KCNIP1: variants seen among roughly 807,000 people sequenced by gnomAD.
KCNIP1 encodes the protein A-type potassium channel modulatory protein KCNIP1.
In KCNIP1, 18 loss-of-function variants were observed where a neutral mutation model predicts 33.0. The ratio of observed to expected loss-of-function variants is 0.55; its 90% CI spans 0.38 to 0.81. The LOEUF (loss-of-function observed/expected upper bound fraction) is 0.81, where lower values mean the gene tolerates loss of function less well. Ranked by LOEUF, KCNIP1 falls within the 30% of genes least tolerant of loss-of-function variation. KCNIP1 has a pLI of 0.00. For missense variants in KCNIP1, 238 were observed against 271.6 expected (o/e 0.88, Z 0.87); for synonymous variants, 93 against 98.3 (o/e 0.95, Z 0.32).
At position 170,736,138 on chromosome 5, in the gene KCNIP1, G is replaced by A. The variant is rs993495990; in HGVS notation, c.*332G>A. On this transcript the variant is annotated 3_prime_UTR_variant, in exon 8 of 8. Transcript: ENST00000328939. ...GTAGTGCACAAAATATGCTGCTTAC[G>A]TGCCCCCAGCCCACTGCCTCCAAGT... The A allele has an allele frequency of 4.1e-5, 10 of 245,438 alleles. No individual in the cohort carries two copies. Among genetic ancestry groups the A allele is most frequent in the East Asian group, 3.3e-4 (4 of 12,192 alleles). The allele number at this position is 245,438 out of a possible 1,614,324, so 15.2% of individuals were successfully genotyped here. A position where few individuals can be genotyped will look rare whatever the true frequency, so the allele number is the denominator to read the frequency against.
chr5:170,580,358 T>C (rs1757745159), intron 1 of KCNIP1, among the ~76,000 whole-genome samples: 1 of 152,198 alleles, frequency 6.6e-6, no homozygotes, highest in African/African-American at 2.4e-5. Flanking sequence ...ATGTACCCTG[T>C]ACATGTCTTA....
intron 1 of KCNIP1, among the ~76,000 whole-genome samples, chr5:170,640,438 G>C (rs1269391129): frequency 6.6e-6 from 1 of 152,200 alleles, no homozygotes; most frequent in African/African-American, 2.4e-5. Flanking sequence ...TTGAATTGCA[G>C]GTGAATATCA....
chr5:170,487,492 G>GTCA (rs1757122443), intron 1 of KCNIP1, among the ~76,000 whole-genome samples: 1 of 150,660 alleles, frequency 6.6e-6, no homozygotes, highest in African/African-American at 2.4e-5. Context: ...TGTTCACAAG[G>GTCA]TCATCATCAT....
intron 5 of KCNIP1, among the ~76,000 whole-genome samples, chr5:170,730,832 A>G (rs1764169164): frequency 7.1e-6 from 1 of 140,566 alleles, no homozygotes; most frequent in African/African-American, 2.6e-5. Flanking sequence ...GAAGGTATAA[A>G]AGTGCTTAAA....
intron 1 of KCNIP1, among the ~76,000 whole-genome samples, chr5:170,551,955 AGTGT>A (rs113050608): frequency 0.015 from 2,283 of 149,278 alleles, 73 homozygotes; most frequent in African/African-American, 0.054. Flanking sequence ...TGTGTGTCTG[AGTGT>A]GTGTATGTGT....
intron 1 of KCNIP1, among the ~76,000 whole-genome samples, chr5:170,568,153 GTGT>G (rs1396817652): frequency 6.6e-6 from 1 of 152,168 alleles, no homozygotes; most frequent in Non-Finnish European, 1.5e-5. Context: ...TTTTGCAAAT[GTGT>G]TGTTGTGGTT....
chr5:170,362,493 C>T (rs1763540928), intron 1 of KCNIP1, among the ~76,000 whole-genome samples: 1 of 152,194 alleles, frequency 6.6e-6, no homozygotes, highest in African/African-American at 2.4e-5. Flanking sequence ...ACTCAAGCTC[C>T]CCGATCCATC....
intron 1 of KCNIP1, among the ~76,000 whole-genome samples, chr5:170,560,915 C>T (rs983946061): frequency 2.0e-5 from 3 of 152,126 alleles, no homozygotes; most frequent in Non-Finnish European, 4.4e-5. Context: ...TTCTCCCTCA[C>T]TACAGGCTTC....
chr5:170,622,745 G>A (rs1169681687), intron 1 of KCNIP1, among the ~76,000 whole-genome samples: 1 of 152,128 alleles, frequency 6.6e-6, no homozygotes, highest in Non-Finnish European at 1.5e-5. Context: ...AGAAGCCAGG[G>A]AAGCCTAGGA....
intron 1 of KCNIP1, among the ~76,000 whole-genome samples, chr5:170,426,265 A>G (rs1347062625): frequency 1.3e-5 from 2 of 151,880 alleles, no homozygotes; most frequent in Non-Finnish European, 2.9e-5. Context: ...ACACACACAC[A>G]CACACACAAA....
intron 1 of KCNIP1, among the ~76,000 whole-genome samples, chr5:170,434,651 A>T (rs1755820096): frequency 6.6e-6 from 1 of 151,880 alleles, no homozygotes; most frequent in African/African-American, 2.4e-5. Context: ...TGACTATCAC[A>T]CCTCCTCTAA....
intron 2 of KCNIP1, among the ~76,000 whole-genome samples, 190 bp downstream of exon 2, chr5:170,719,072 C>T (rs1763729929): frequency 6.6e-6 from 1 of 152,090 alleles, no homozygotes; most frequent in Admixed American, 6.5e-5. Flanking sequence ...GATGGAGCAA[C>T]CTCAGGAGAC....
intron 1 of KCNIP1, among the ~76,000 whole-genome samples, chr5:170,706,109 G>A (rs368626970): frequency 7.9e-5 from 12 of 152,160 alleles, no homozygotes; most frequent in African/African-American, 2.6e-4. Context: ...CATTAATACC[G>A]AATCCAGCAA....
chr5:170,386,801 A>C (rs1764492116), intron 1 of KCNIP1, among the ~76,000 whole-genome samples: 1 of 152,074 alleles, frequency 6.6e-6, no homozygotes. Context: ...CACCTGGGAC[A>C]AAGCAGAATG....
At chr5:170,380,299 C>G (rs1764187810) in intron 1 of KCNIP1, among the ~76,000 whole-genome samples, 1 of 152,184 alleles carries the variant, frequency 6.6e-6, no homozygotes, top group Admixed American at 6.5e-5. Flanking sequence ...CCCCATAGCC[C>G]AGGTCCCTAC....
intron 1 of KCNIP1, among the ~76,000 whole-genome samples, chr5:170,625,953 C>T (rs1242219424): frequency 6.6e-6 from 1 of 152,146 alleles, no homozygotes; most frequent in Non-Finnish European, 1.5e-5. Context: ...GGCAGAACCC[C>T]AAGTGGGAAC....
intron 2 of KCNIP1, 105 bp downstream of exon 2, chr5:170,718,987 G>A (rs2113869357): frequency 7.0e-7 from 1 of 1,420,770 alleles, no homozygotes; most frequent in East Asian, 2.5e-5. Context: ...ATGTGAGGCT[G>A]TACAAGGAAG....
intron 1 of KCNIP1, among the ~76,000 whole-genome samples, chr5:170,420,033 G>A (rs1451498939): frequency 6.6e-6 from 1 of 152,068 alleles, no homozygotes; most frequent in Non-Finnish European, 1.5e-5. Flanking sequence ...TCTGGCCAAC[G>A]GAAACACAAT....
chr5:170,653,352 G>A (rs118133687), intron 1 of KCNIP1, among the ~76,000 whole-genome samples: 1 of 152,080 alleles, frequency 6.6e-6, no homozygotes, highest in Non-Finnish European at 1.5e-5. Context: ...GCAGAAAGTG[G>A]TATCACGAAC....
Sources: gnomAD v4.1 joint callset for allele counts (sites outside exome capture counted in the v4.1 genomes callset) on GRCh38, gnomAD v4.1.1 for gene constraint, MANE v1.5 for transcripts, NCBI Gene and HGNC (gene_info 2026-07-23, HGNC 2026-07-21) for gene names.